SPTBN2: variants seen among roughly 807,000 people sequenced by gnomAD.
SPTBN2 encodes the protein spectrin beta, non-erythrocytic 2, also known as spectrin beta chain, non-erythrocytic 2.
SPTBN2 carries 107 observed loss-of-function variants against 284.2 expected under a neutral mutation model. That is an observed-to-expected ratio of 0.38 (90% CI 0.32 to 0.44). SPTBN2 has a LOEUF of 0.44. Among genes scored for constraint, SPTBN2 ranks in the 20% least tolerant of loss-of-function variants. The pLI is 1.00. For missense variants in SPTBN2, 2,569 were observed against 3,287.1 expected (o/e 0.78, Z 5.34); for synonymous variants, 1,289 against 1,354.8 (o/e 0.95, Z 1.07).
Position 66,710,364 on chromosome 11 carries a change from G to A in SPTBN2, c.1073+218C>T, listed in dbSNP as rs1300041032. Among the ~76,000 whole-genome samples, 7 of 152,168 alleles carry A rather than the reference G, an allele frequency of 4.6e-5. No homozygotes were observed. The highest frequency in any genetic ancestry group is 1.3e-4 in the Admixed American group (2 of 15,278). ...CTCCCAAAGTGCTGGGATTACAGGC[G>A]TGAGCCACCATGCCCGGCCCACAGC... On this transcript the variant is annotated intron_variant, in intron 10 of 37. Coordinates refer to ENST00000533211, the MANE Select transcript of SPTBN2 (RefSeq NM_006946.4). The surrounding 1 kb of genome is among the most constrained non-coding windows in gnomAD (Gnocchi z 4.9).
intron 15 of SPTBN2, among the ~76,000 whole-genome samples, chr11:66,702,201 C>G (rs1411693330): frequency 6.6e-6 from 1 of 152,208 alleles, no homozygotes; most frequent in Non-Finnish European, 1.5e-5. Context: ...GAGTCTCGCT[C>G]TGTCACCCAG....
At chr11:66,695,642 C>T (rs561596081) in intron 21 of SPTBN2, among the ~76,000 whole-genome samples, 1 of 152,246 alleles carries the variant, frequency 6.6e-6, no homozygotes, top group East Asian at 1.9e-4. Flanking sequence ...ACCTTACGAC[C>T]CATGAAGCCC....
rs1362194710 is a variant in SPTBN2 at position 66,715,729 on chromosome 11, C to T, written c.309+101G>A. The T allele has an allele frequency of 4.6e-6, 7 of 1,515,798 alleles. No homozygotes were observed. The highest frequency in any genetic ancestry group is 6.3e-6 in the Non-Finnish European group (7 of 1,117,836). The allele number at this position is 1,515,798 out of a possible 1,614,324, so 93.9% of individuals were successfully genotyped here. A position where few individuals can be genotyped will look rare whatever the true frequency, so the allele number is the denominator to read the frequency against. ...CTCTGAGCAGAGGGAGCCACTGCTTCCCGCCCTGTGCCGTCACTCTCTCTG... is the reference window on the plus strand; with the variant it reads ...CTCTGAGCAGAGGGAGCCACTGCTTTCCGCCCTGTGCCGTCACTCTCTCTG... On this transcript the variant is annotated intron_variant, in intron 4 of 37. Coordinates refer to ENST00000533211, the MANE Select transcript of SPTBN2 (RefSeq NM_006946.4). This position sits in a 1 kb window ranked among gnomAD's most constrained non-coding sequence, Gnocchi z 5.3.
Position 66,721,450 on chromosome 11 carries a change from G to A in SPTBN2, c.-113-10C>T, listed in dbSNP as rs1037369995. On this transcript the variant is annotated splice_polypyrimidine_tract_variant and intron_variant, in intron 1 of 37. Transcript: ENST00000533211. The stretch of plus-strand genomic sequence containing the variant: ...AAGCCACCTGGGAAGCCTGGGGACG[G>A]GAATACATCAGAAGCACAGAAAGTG... 3.1e-6 allele frequency: 2 copies of A among 648,048 alleles called. No individual in the cohort carries two copies. The highest frequency in any genetic ancestry group is 1.8e-5 in the African/African-American group (1 of 55,612). 40.1% of individuals were successfully genotyped at this position (648,048 alleles called of 1,614,324 possible).
At chr11:66,740,316 C>T (rs1308734431) in intron 1 of SPTBN2, among the ~76,000 whole-genome samples, 1 of 152,128 alleles carries the variant, frequency 6.6e-6, no homozygotes, top group African/African-American at 2.4e-5. Flanking sequence ...GGTACTGTCC[C>T]AGGAAAAGAA....
chr11:66,683,257 G>A lies in SPTBN2; in HGVS notation c.*2614C>T, dbSNP rs1368871678. ...TAATTTTTGTATTTTTAGTAGAGACGGGGTTTCACCGTTTTAGCCGGGATG... is the reference window on the plus strand; with the variant it reads ...TAATTTTTGTATTTTTAGTAGAGACAGGGTTTCACCGTTTTAGCCGGGATG... On this transcript the variant is annotated 3_prime_UTR_variant, in exon 38 of 38. Coordinates refer to ENST00000533211, the MANE Select transcript of SPTBN2 (RefSeq NM_006946.4). Among the ~76,000 whole-genome samples the A allele has an allele frequency of 2.0e-5, 3 of 151,652 alleles. No individual in the cohort carries two copies. Among genetic ancestry groups the A allele is most frequent in the Non-Finnish European group, 2.9e-5 (2 of 67,918 alleles).
rs565771695 is a variant in SPTBN2 at position 66,683,177 on chromosome 11, C to T, written c.*2694G>A. Among the ~76,000 whole-genome samples the T allele has an allele frequency of 4.0e-5, 6 of 148,254 alleles. No homozygotes were observed. The highest frequency in any genetic ancestry group is 3.8e-3 in the Middle Eastern group (1 of 260). ...CCGCCTCCCGGGTTCACGCCATTCT[C>T]CTGCCTCAGCCTCCCAAGTAGCTGG... On this transcript the variant is annotated 3_prime_UTR_variant, in exon 38 of 38. Transcript: ENST00000533211.
chr11:66,721,938 T>G (rs1045599220), intron 1 of SPTBN2, among the ~76,000 whole-genome samples: 13 of 151,620 alleles, frequency 8.6e-5, no homozygotes, highest in Non-Finnish European at 1.3e-4. Context: ...TCCCAGCTAC[T>G]CAGGAGGCTG....
chr11:66,741,154 A>G (rs1460280463), intron 1 of SPTBN2, among the ~76,000 whole-genome samples: 3 of 152,156 alleles, frequency 2.0e-5, no homozygotes, highest in Non-Finnish European at 4.4e-5. Context: ...TCCAAATCTC[A>G]TCTTGAAGTG....
At chr11:66,729,574 G>A (rs978177458), upstream of SPTBN2, among the ~76,000 whole-genome samples, 1 of 152,178 alleles carries the variant, frequency 6.6e-6, no homozygotes, top group African/African-American at 2.4e-5. Flanking sequence ...AAACAAATAT[G>A]TGCAATTGAA....
At position 66,710,612 on chromosome 11, in the gene SPTBN2, T is replaced by C. The variant is rs797046005; in HGVS notation, c.1043A>G (p.Asn348Ser). ...SGVQNQLQSF[N>S]SYRTVEKPPK... The stretch of plus-strand genomic sequence containing the variant: ...CGGCTTCTCCACGGTGCGGTAGGAG[T>C]TGAAGGACTGCAGCTGGTTCTGGAC... Residue 348 changes from asparagine (N) to serine (S), a missense_variant, in exon 10 of 38, where the codon AAC becomes AGC. Asn to Ser is a conservative substitution (Grantham distance 46). Transcript: ENST00000533211. The surrounding 1 kb of genome is among the most constrained non-coding windows in gnomAD (Gnocchi z 4.9). 9 of 1,613,736 alleles carry C rather than the reference T, an allele frequency of 5.6e-6. No homozygotes were observed. The highest frequency in any genetic ancestry group is 7.6e-6 in the Non-Finnish European group (9 of 1,179,898).
intron 3 of SPTBN2, 107 bp downstream of exon 3, chr11:66,720,977 C>T: frequency 6.7e-7 from 1 of 1,481,768 alleles, no homozygotes; most frequent in Non-Finnish European, 9.2e-7. Context: ...CTGGGTCTCC[C>T]ACTTAGAAAG....
rs373469801 is a variant in SPTBN2, at chr11:66,714,305, G to A, written c.575+11C>T. ...TGACCCTCCAGTGCCACACGCCCAG[G>A]GTGTCCTCACCCTGCAGTCTTCATC... On this transcript the variant is annotated intron_variant, in intron 6 of 37. Transcript: ENST00000533211. 3.7e-5 allele frequency: 60 copies of A among 1,613,482 alleles called. No individual in the cohort carries two copies. Among genetic ancestry groups the A allele is most frequent in the Non-Finnish European group, 4.8e-5 (57 of 1,179,796 alleles).
At chr11:66,734,265 G>C (rs1205384821) in intron 1 of SPTBN2, among the ~76,000 whole-genome samples, 1 of 151,970 alleles carries the variant, frequency 6.6e-6, no homozygotes, top group Non-Finnish European at 1.5e-5. Context: ...CTCTTCCTGG[G>C]CCATCTTATC....
Position 66,686,012 on chromosome 11 carries a change from G to A in SPTBN2, c.7032C>T (p.Ser2344=), listed in dbSNP as rs755258372. 6.2e-7 allele frequency: 1 copy of A among 1,613,692 alleles called. No individual in the cohort carries two copies. Among genetic ancestry groups the A allele is most frequent in the Non-Finnish European group, 8.5e-7 (1 of 1,180,004 alleles). The change falls in exon 38 of 38, where the codon AGC becomes AGT. Residue 2344 remains serine, a synonymous_variant. Coordinates refer to ENST00000533211, the MANE Select transcript of SPTBN2 (RefSeq NM_006946.4). ...SGEPEEPVVP[S]TTRGMTRAMT... is the part of the protein sequence containing the mutation. ...TGGCCCGGGTCATGCCCCGGGTGGT[G>A]CTGGGCACCACCGGCTCTTCAGGCT...
Position 66,707,389 on chromosome 11 carries a change from TG to T in SPTBN2, c.1653+126del. The T allele has an allele frequency of 3.0e-6, 3 of 1,002,894 alleles. No individual in the cohort carries two copies. The highest frequency in any genetic ancestry group is 1.6e-5 in the African/African-American group (1 of 62,180). 62.1% of individuals were successfully genotyped at this position (1,002,894 alleles called of 1,614,324 possible). Reference sequence around the variant, plus strand: ...CCCTGTTTACTTTGTTCCCTGCAACTGGGGACAGGGCCCTGTGCTGGTTCAC... The same window carrying T: ...CCCTGTTTACTTTGTTCCCTGCAACTGGGACAGGGCCCTGTGCTGGTTCAC... On this transcript the variant is annotated intron_variant, in intron 13 of 37. Coordinates refer to ENST00000533211, the MANE Select transcript of SPTBN2 (RefSeq NM_006946.4). The surrounding 1 kb of genome is among the most constrained non-coding windows in gnomAD (Gnocchi z 4.9).
In SPTBN2 at chr11:66,728,059, A is replaced by ACCCGAC. The variant is rs899301967; in HGVS notation, c.-114+676_-114+681dup. ...GCCCCGGCTCACCCCGGCCGCCGGG[A>ACCCGAC]CCCGACCCCGACCCCGACCCCGACC... On this transcript the variant is annotated intron_variant, in intron 1 of 37. Transcript: ENST00000533211. 49 of 143,846 alleles carry ACCCGAC rather than the reference A, an allele frequency of 3.4e-4. 1 individual carries two copies. Among genetic ancestry groups the ACCCGAC allele is most frequent in the South Asian group, 9.4e-4 (5 of 5,304 alleles). The allele number at this position is 143,846 out of a possible 1,614,324, so 8.9% of individuals were successfully genotyped here.
chr11:66,708,037 G>C lies in SPTBN2; in HGVS notation c.1350+104C>G, dbSNP rs552219690. The C allele has an allele frequency of 6.4e-7, 1 of 1,569,538 alleles. No individual in the cohort carries two copies. Among genetic ancestry groups the C allele is most frequent in the Non-Finnish European group, 8.7e-7 (1 of 1,143,952 alleles). On this transcript the variant is annotated intron_variant, in intron 12 of 37. Coordinates refer to ENST00000533211, the MANE Select transcript of SPTBN2 (RefSeq NM_006946.4). This position sits in a 1 kb window ranked among gnomAD's most constrained non-coding sequence, Gnocchi z 4.4. ...CTCTAGGCCTTTTTACCCAGGTGAC[G>C]GATTTTGTGTTTCATTGTCTCTCCA...
intron 29 of SPTBN2, among the ~76,000 whole-genome samples, chr11:66,689,592 C>A (rs1436096747): frequency 6.6e-6 from 1 of 152,204 alleles, no homozygotes; most frequent in African/African-American, 2.4e-5. Flanking sequence ...GCGTGAGCCA[C>A]CATGCCTGGC....
Sources: gnomAD v4.1 joint callset for allele counts (sites outside exome capture counted in the v4.1 genomes callset) on GRCh38, gnomAD v4.1.1 for gene constraint, Gnocchi (gnomAD v3.1) non-coding constraint, MANE v1.5 for transcripts, NCBI Gene and HGNC (gene_info 2026-07-23, HGNC 2026-07-21) for gene names.